The following CDKAL1 variants were observed in gnomAD, a reference collection of about 807,000 sequenced individuals.
CDKAL1 encodes threonylcarbamoyladenosine tRNA methylthiotransferase.
Under a neutral mutation model 68.2 loss-of-function variants are expected in CDKAL1, and 32 were observed. The ratio of observed to expected loss-of-function variants is 0.47; its 90% confidence interval spans 0.35 to 0.63. The LOEUF is 0.63. CDKAL1 is among the 30% of genes least tolerant of loss of function. The pLI is 0.00. For synonymous variants in CDKAL1, 234 were observed against 244.3 expected, an observed-to-expected ratio of 0.96 and a Z score of 0.39; for missense variants, 606 against 696.7, an observed-to-expected ratio of 0.87 and a Z score of 1.47.
chr6:20,762,344 A>C (rs577811961), intron 7 of CDKAL1, among the ~76,000 whole-genome samples: 1 of 152,314 alleles, frequency 6.6e-6, no homozygotes, highest in African/African-American at 2.4e-5. Flanking sequence ...GAGGATGGGA[A>C]GTTTGATAAT....
chr6:20,726,068 A>G (rs1772640168), intron 5 of CDKAL1, among the ~76,000 whole-genome samples: 1 of 151,954 alleles, frequency 6.6e-6, no homozygotes, highest in South Asian at 2.1e-4. Context: ...CATCTTTTAT[A>G]GGGGGGAGTA....
chr6:21,206,766 A>G (rs967117691), intron 15 of CDKAL1, among the ~76,000 whole-genome samples: 1 of 152,178 alleles, frequency 6.6e-6, no homozygotes, highest in South Asian at 2.1e-4. Context: ...CATTTGTATA[A>G]TGGAGCTAAC....
chr6:21,085,793 ATCTG>A (rs774454100), intron 12 of CDKAL1, among the ~76,000 whole-genome samples: 1 of 152,310 alleles, frequency 6.6e-6, no homozygotes. Context: ...GAAGTATGAC[ATCTG>A]TACTCAGTAG....
intron 9 of CDKAL1, among the ~76,000 whole-genome samples, chr6:20,890,676 C>T (rs1398155070): frequency 6.6e-6 from 1 of 152,090 alleles, no homozygotes; most frequent in African/African-American, 2.4e-5. Context: ...CACTCTTACC[C>T]TGGGGAGATT....
At chr6:20,961,550 G>A (rs893949289) in intron 10 of CDKAL1, among the ~76,000 whole-genome samples, 17 of 152,146 alleles carry the variant, frequency 1.1e-4, no homozygotes, top group Admixed American at 6.5e-4. Context: ...GGTGGATCAC[G>A]AGGTCAGGAG....
chr6:20,910,843 GAGA>G (rs1057514680), intron 9 of CDKAL1, among the ~76,000 whole-genome samples: 2 of 152,192 alleles, frequency 1.3e-5, no homozygotes, highest in Non-Finnish European at 2.9e-5. Context: ...TGCACACAGG[GAGA>G]AGAGCATCAT....
At chr6:20,606,928 T>A (rs1450703450) in intron 4 of CDKAL1, among the ~76,000 whole-genome samples, 1 of 152,238 alleles carries the variant, frequency 6.6e-6, no homozygotes, top group Non-Finnish European at 1.5e-5. Context: ...TATCTCATCT[T>A]GTCCTTCTGA....
At chr6:20,671,115 T>A (rs1167843587) in intron 5 of CDKAL1, among the ~76,000 whole-genome samples, 2 of 152,232 alleles carry the variant, frequency 1.3e-5, no homozygotes, top group African/African-American at 4.8e-5. Flanking sequence ...AAAAGGGTTG[T>A]AACACTTTAT....
At chr6:21,158,732 A>G (rs1354867085) in intron 13 of CDKAL1, among the ~76,000 whole-genome samples, 1 of 152,228 alleles carries the variant, frequency 6.6e-6, no homozygotes, top group Non-Finnish European at 1.5e-5. Context: ...CTTAATGTGA[A>G]TTTTGTCACT....
chr6:20,734,827 C>T (rs1773111821), intron 5 of CDKAL1, among the ~76,000 whole-genome samples: 1 of 150,824 alleles, frequency 6.6e-6, no homozygotes, highest in Non-Finnish European at 1.5e-5. Flanking sequence ...CTAGGCCTCC[C>T]AAAGAGCTGG....
intron 4 of CDKAL1, among the ~76,000 whole-genome samples, chr6:20,639,313 A>G (rs1581872874): frequency 1.3e-5 from 2 of 152,250 alleles, no homozygotes; most frequent in South Asian, 4.2e-4. Flanking sequence ...GCTTCTTCCT[A>G]GTAGCTTCTA....
intron 10 of CDKAL1, among the ~76,000 whole-genome samples, chr6:20,956,289 G>A (rs1306743310): frequency 6.6e-6 from 1 of 152,202 alleles, no homozygotes. Flanking sequence ...AGATCGGGAT[G>A]CTTACCCTTA....
At chr6:20,868,101 CAT>C (rs1760004320) in intron 9 of CDKAL1, among the ~76,000 whole-genome samples, 1 of 152,112 alleles carries the variant, frequency 6.6e-6, no homozygotes, top group African/African-American at 2.4e-5. Flanking sequence ...CAGAGACACA[CAT>C]AGGCATACAC....
At chr6:21,094,643 C>T (rs1308104676) in intron 12 of CDKAL1, among the ~76,000 whole-genome samples, 1 of 151,980 alleles carries the variant, frequency 6.6e-6, no homozygotes, top group Non-Finnish European at 1.5e-5. Flanking sequence ...TCTAAATTGC[C>T]GAGGAATTTA....
At chr6:21,064,044 C>T (rs1771284327) in intron 11 of CDKAL1, among the ~76,000 whole-genome samples, 1 of 152,146 alleles carries the variant, frequency 6.6e-6, no homozygotes, top group Admixed American at 6.5e-5. Flanking sequence ...AGTGCGCATC[C>T]AAGTTAATCC....
chr6:20,976,172 T>C (rs1382145011), intron 10 of CDKAL1, among the ~76,000 whole-genome samples: 1 of 152,210 alleles, frequency 6.6e-6, no homozygotes, highest in African/African-American at 2.4e-5. Context: ...TTTAAGGCTT[T>C]TCTATGCCTT....
At chr6:20,761,344 A>G (rs1240780645) in intron 7 of CDKAL1, among the ~76,000 whole-genome samples, 4 of 152,242 alleles carry the variant, frequency 2.6e-5, no homozygotes, top group African/African-American at 9.6e-5. Context: ...AAAATGGTAC[A>G]GGTACTTTGA....
intron 2 of CDKAL1, among the ~76,000 whole-genome samples, chr6:20,537,566 A>G (rs1463051259): frequency 6.7e-6 from 1 of 149,688 alleles, no homozygotes; most frequent in East Asian, 2.0e-4. Flanking sequence ...AGATCGTGCC[A>G]TTGCACTCCA....
At chr6:20,937,383 T>G (rs1178833190) in intron 9 of CDKAL1, among the ~76,000 whole-genome samples, 1 of 152,236 alleles carries the variant, frequency 6.6e-6, no homozygotes, top group Non-Finnish European at 1.5e-5. Context: ...CCACCACACC[T>G]GGCTTTAAAT....
Sources: allele counts gnomAD v4.1 joint callset (sites outside exome capture counted in the v4.1 genomes callset), GRCh38; gene constraint gnomAD v4.1.1; transcripts MANE v1.5; gene names NCBI Gene and HGNC (gene_info 2026-07-23, HGNC 2026-07-21).